FARS2: variants seen among roughly 807,000 people sequenced by gnomAD.
The protein encoded by FARS2 is phenylalanine--tRNA ligase, mitochondrial.
Under a neutral mutation model 46.4 loss-of-function variants are expected in FARS2, and 40 were observed. That is an observed-to-expected ratio of 0.86 (90% CI 0.67 to 1.12). The LOEUF is 1.12. Among genes scored for constraint, FARS2 ranks in the 50% most tolerant of loss-of-function variants. The pLI, the probability that FARS2 is intolerant of heterozygous loss-of-function variation, is 0.00. For synonymous variants in FARS2, 234 were observed against 214.9 expected (o/e 1.09, Z -0.78); for missense variants, 513 against 567.9 (o/e 0.90, Z 0.98).
intron 5 of FARS2, among the ~76,000 whole-genome samples, chr6:5,571,017 C>T (rs916737051): frequency 1.3e-5 from 2 of 152,270 alleles, no homozygotes; most frequent in South Asian, 2.1e-4. Context: ...CTGACTGTTT[C>T]GTTTTCAAAT....
intron 3 of FARS2, among the ~76,000 whole-genome samples, chr6:5,420,257 A>G (rs1230122415): frequency 1.3e-5 from 2 of 152,130 alleles, no homozygotes; most frequent in Non-Finnish European, 2.9e-5. Flanking sequence ...TTGGGTGGGG[A>G]CACAGCCAAA....
intron 1 of FARS2, among the ~76,000 whole-genome samples, chr6:5,277,599 C>T (rs1766426819): frequency 6.6e-6 from 1 of 152,148 alleles, no homozygotes; most frequent in Admixed American, 6.5e-5. Context: ...ATCGTATCAT[C>T]TCTGTAGGGC....
At chr6:5,505,488 A>T (rs556270514) in intron 4 of FARS2, among the ~76,000 whole-genome samples, 6 of 152,354 alleles carry the variant, frequency 3.9e-5, no homozygotes, top group African/African-American at 1.4e-4. Context: ...GAAGCGACAT[A>T]CATCCTCCTC....
At chr6:5,510,714 C>G (rs746007423) in intron 4 of FARS2, among the ~76,000 whole-genome samples, 4 of 152,212 alleles carry the variant, frequency 2.6e-5, no homozygotes, top group Non-Finnish European at 5.9e-5. Context: ...TGAGCTTGAC[C>G]CCATATGTAG....
chr6:5,556,052 C>T (rs1771637198), intron 5 of FARS2, among the ~76,000 whole-genome samples: 2 of 152,092 alleles, frequency 1.3e-5, no homozygotes, highest in African/African-American at 4.8e-5. Context: ...ACCACCACTC[C>T]CACAACTTCA....
intron 5 of FARS2, among the ~76,000 whole-genome samples, chr6:5,606,230 T>G (rs771871809): frequency 4.0e-5 from 6 of 151,882 alleles, no homozygotes; most frequent in Non-Finnish European, 8.8e-5. Flanking sequence ...AGACCCAGCC[T>G]CATCAGAGTC....
intron 6 of FARS2, among the ~76,000 whole-genome samples, chr6:5,639,768 T>A (rs1349019153): frequency 6.6e-6 from 1 of 152,210 alleles, no homozygotes; most frequent in Non-Finnish European, 1.5e-5. Flanking sequence ...TGATGACCAG[T>A]GGCTGCTTAC....
At chr6:5,451,847 T>A (rs1377012182) in intron 4 of FARS2, 3 of 152,246 alleles carry the variant, frequency 2.0e-5, no homozygotes, top group African/African-American at 7.2e-5. Context: ...AGGATCAGTT[T>A]AAATGCTTTT....
chr6:5,603,990 G>A (rs903708949), intron 5 of FARS2, among the ~76,000 whole-genome samples: 2 of 152,172 alleles, frequency 1.3e-5, no homozygotes, highest in African/African-American at 4.8e-5. Context: ...AAGCCAGAGA[G>A]CCTCACACCC....
chr6:5,751,219 A>G (rs1022178517), intron 6 of FARS2, among the ~76,000 whole-genome samples: 1 of 152,162 alleles, frequency 6.6e-6, no homozygotes, highest in African/African-American at 2.4e-5. Context: ...CAGTCTTGGA[A>G]GGAAAGCCAT....
intron 4 of FARS2, among the ~76,000 whole-genome samples, chr6:5,469,909 C>T (rs1397303512): frequency 6.6e-6 from 1 of 152,140 alleles, no homozygotes; most frequent in Non-Finnish European, 1.5e-5. Context: ...TGCCCTTACA[C>T]AAGATACTTA....
chr6:5,420,325 A>G (rs1436097421), intron 3 of FARS2, among the ~76,000 whole-genome samples: 1 of 152,106 alleles, frequency 6.6e-6, no homozygotes, highest in Non-Finnish European at 1.5e-5. Context: ...TTCAAAACCA[A>G]TCATGCCTTC....
intron 1 of FARS2, among the ~76,000 whole-genome samples, chr6:5,267,871 CCTGA>C (rs1765658257): frequency 6.6e-6 from 1 of 152,066 alleles, no homozygotes; most frequent in African/African-American, 2.4e-5. Flanking sequence ...CCTTTTGTTT[CCTGA>C]CTTTTTAATG....
At chr6:5,515,062 C>T (rs1768703779) in intron 4 of FARS2, among the ~76,000 whole-genome samples, 1 of 152,122 alleles carries the variant, frequency 6.6e-6, no homozygotes, top group African/African-American at 2.4e-5. Context: ...ACGGACAAGC[C>T]TTCAAGCGAA....
chr6:5,470,951 T>A (rs1765774891), intron 4 of FARS2, among the ~76,000 whole-genome samples: 1 of 152,242 alleles, frequency 6.6e-6, no homozygotes, highest in Non-Finnish European at 1.5e-5. Context: ...TACCTTTGAA[T>A]AGTCTTGGTA....
intron 6 of FARS2, among the ~76,000 whole-genome samples, chr6:5,697,429 T>C (rs2150877033): frequency 6.6e-6 from 1 of 152,358 alleles, no homozygotes; most frequent in Non-Finnish European, 1.5e-5. Context: ...TAAGCCATCA[T>C]TGCATAAAAC....
intron 4 of FARS2, among the ~76,000 whole-genome samples, chr6:5,489,302 A>C (rs1486666089): frequency 6.6e-6 from 1 of 152,096 alleles, no homozygotes; most frequent in African/African-American, 2.4e-5. Flanking sequence ...AAAAGTACAA[A>C]AAATAGCCAG....
chr6:5,336,184 G>A (rs892638976), intron 1 of FARS2, among the ~76,000 whole-genome samples: 1 of 151,748 alleles, frequency 6.6e-6, no homozygotes, highest in Non-Finnish European at 1.5e-5. Flanking sequence ...GATACTAAAA[G>A]TATCTGACAA....
At chr6:5,258,372 C>G (rs1049311868), upstream of FARS2, among the ~76,000 whole-genome samples, 3 of 152,238 alleles carry the variant, frequency 2.0e-5, no homozygotes, top group Non-Finnish European at 4.4e-5. Context: ...GTAACTTAAG[C>G]TCCCTGTGCC....
Sources: gnomAD v4.1 joint callset for allele counts (sites outside exome capture counted in the v4.1 genomes callset) on GRCh38, gnomAD v4.1.1 for gene constraint, MANE v1.5 for transcripts, NCBI Gene and HGNC (gene_info 2026-07-23, HGNC 2026-07-21) for gene names.